Variants in KIF13A observed in about 807,000 individuals in gnomAD.
The protein encoded by KIF13A is kinesin-like protein KIF13A.
In KIF13A, 79 loss-of-function variants were observed where a neutral mutation model predicts 212.2. The ratio of observed to expected loss-of-function variants is 0.37; its 90% CI spans 0.31 to 0.45. The LOEUF (loss-of-function observed/expected upper bound fraction) is 0.45. KIF13A is among the 20% of genes least tolerant of loss of function. The pLI is 1.00. For synonymous variants in KIF13A, 789 were observed against 808.6 expected (o/e 0.98, Z 0.41); for missense variants, 1,901 against 2,209.0 (o/e 0.86, Z 2.79).
chr6:17,919,209 C>A lies in KIF13A; in HGVS notation c.147-21029G>T, dbSNP rs968500654. ...TAATAGTGAAAATTGCAAACACATA[C>A]GAATGGAATGTGAACAGCATCACAT... On this transcript the variant is annotated intron_variant, in intron 2 of 38. Transcript: ENST00000259711. The surrounding 1 kb of genome is among the most constrained non-coding windows in gnomAD (Gnocchi z 4.1). Among the ~76,000 whole-genome samples, 1 of 152,130 alleles carries A rather than the reference C, an allele frequency of 6.6e-6. No individual in the cohort carries two copies. Among genetic ancestry groups the A allele is most frequent in the Non-Finnish European group, 1.5e-5 (1 of 68,022 alleles).
chr6:17,953,724 A>G, intron 2 of KIF13A: 1 of 191,728 alleles, frequency 5.2e-6, no homozygotes, highest in South Asian at 1.0e-4. Context: ...GAGCCTGTGT[A>G]TATCAAGTTG....
In KIF13A at chr6:17,834,217, T is replaced by G; in HGVS notation, c.1156-146A>C. 1.9e-6 allele frequency: 1 copy of G among 533,866 alleles called. No individual in the cohort carries two copies. The highest frequency in any genetic ancestry group is 2.9e-5 in the South Asian group (1 of 34,798). 33.1% of individuals were successfully genotyped at this position (533,866 alleles called of 1,614,324 possible). A position where few individuals can be genotyped will look rare whatever the true frequency, so the allele number is the denominator to read the frequency against. On this transcript the variant is annotated intron_variant, in intron 11 of 38. Transcript: ENST00000259711. This position sits in a 1 kb window ranked among gnomAD's most constrained non-coding sequence, Gnocchi z 4.0. ...TGCTGTTAGGGTGGGTTTTTAACCT[T>G]TATTAATCAAACGAATGTAAGAGAA...
At chr6:17,969,438 T>TTTAG (rs1473517998) in intron 2 of KIF13A, among the ~76,000 whole-genome samples, 1 of 152,234 alleles carries the variant, frequency 6.6e-6, no homozygotes, top group Non-Finnish European at 1.5e-5. Context: ...GTTACTAGGC[T>TTTAG]TTAGTTAGCA....
In KIF13A at chr6:17,777,185, A is replaced by G; in HGVS notation, c.4170+92T>C. The G allele has an allele frequency of 1.0e-6, 1 of 979,656 alleles. No individual in the cohort carries two copies. Among genetic ancestry groups the G allele is most frequent in the Non-Finnish European group, 1.6e-6 (1 of 625,340 alleles). 60.7% of individuals were successfully genotyped at this position (979,656 alleles called of 1,614,324 possible). Reference sequence around the variant, plus strand: ...TTGGGATGCCCACACCAGTTCCATAAGCTCTACTGCCACTGTGTGAATCCC... The same window carrying G: ...TTGGGATGCCCACACCAGTTCCATAGGCTCTACTGCCACTGTGTGAATCCC... On this transcript the variant is annotated intron_variant, in intron 34 of 38. Coordinates refer to ENST00000259711, the MANE Select transcript of KIF13A (RefSeq NM_022113.6). The surrounding 1 kb of genome is among the most constrained non-coding windows in gnomAD (Gnocchi z 4.4).
rs1762284773 is a variant in KIF13A at position 17,799,221 on chromosome 6, T to C, written c.2790+45A>G. 4.4e-6 allele frequency: 6 copies of C among 1,350,726 alleles called. No homozygotes were observed. Among genetic ancestry groups the C allele is most frequent in the African/African-American group, 1.4e-5 (1 of 69,440 alleles). 83.7% of individuals were successfully genotyped at this position (1,350,726 alleles called of 1,614,324 possible). A position where few individuals can be genotyped will look rare whatever the true frequency, so the allele number is the denominator to read the frequency against. On this transcript the variant is annotated intron_variant, in intron 22 of 38. Transcript: ENST00000259711. This position sits in a 1 kb window ranked among gnomAD's most constrained non-coding sequence, Gnocchi z 4.4. ...ACAACTGATTGTTGAACTGCACCAA[T>C]TTCTGCTGCTTCCTACACAGCTCAT...
At chr6:17,857,085 T>G (rs1306904769) in intron 4 of KIF13A, among the ~76,000 whole-genome samples, 4 of 152,196 alleles carry the variant, frequency 2.6e-5, no homozygotes, top group Non-Finnish European at 5.9e-5. Flanking sequence ...ATAGTTCCTT[T>G]TACATTTGAA....
In KIF13A at chr6:17,767,403, C is replaced by T. The variant is rs558749962; in HGVS notation, c.4582-2457G>A. ...CCAAGTAGCTGGGATTACAGGTGTC[C>T]GCCACCATGCCCGGCTAATTTTTGT... On this transcript the variant is annotated intron_variant, in intron 38 of 38. Coordinates refer to ENST00000259711, the MANE Select transcript of KIF13A (RefSeq NM_022113.6). Among the ~76,000 whole-genome samples, 6 of 152,000 alleles carry T rather than the reference C, an allele frequency of 3.9e-5. No individual in the cohort carries two copies. In the East Asian group the frequency reaches 5.8e-4, roughly 15 times the overall value.
intron 16 of KIF13A, chr6:17,821,825 A>C: frequency 6.5e-7 from 1 of 1,535,350 alleles, no homozygotes; most frequent in Non-Finnish European, 8.7e-7. Context: ...GTCTGAAACC[A>C]CATGAGAGGA....
intron 20 of KIF13A, among the ~76,000 whole-genome samples, chr6:17,803,755 A>G (rs954306819): frequency 2.0e-5 from 3 of 152,226 alleles, no homozygotes; most frequent in African/African-American, 7.2e-5. Context: ...AGAGAGCGAT[A>G]TGGGGCACAG....
rs1581495799 is a variant in KIF13A at position 17,843,783 on chromosome 6, C to T, written c.830+5594G>A. 2.0e-5 allele frequency among the ~76,000 whole-genome samples: 3 copies of T among 152,168 alleles called. No homozygotes were observed. The highest frequency in any genetic ancestry group is 4.8e-5 in the African/African-American group (2 of 41,442). On this transcript the variant is annotated intron_variant, in intron 9 of 38. Transcript: ENST00000259711. This position sits in a 1 kb window ranked among gnomAD's most constrained non-coding sequence, Gnocchi z 5.3. ...AGTTGAGGCTGGGCACAGTGGCTCA[C>T]GCCTGTAATCCACCACTTTTGGAGG...
chr6:17,975,399 G>A (rs991674896), intron 2 of KIF13A, among the ~76,000 whole-genome samples: 3 of 152,090 alleles, frequency 2.0e-5, no homozygotes, highest in South Asian at 4.1e-4. Context: ...AAGTTGGCGC[G>A]TCTGGAGTTT....
At chr6:17,940,827 T>A (rs868214756) in intron 2 of KIF13A, among the ~76,000 whole-genome samples, 2,577 of 149,734 alleles carry the variant, frequency 0.017, 78 homozygotes, top group African/African-American at 0.06. Context: ...ATTTTTTTTT[T>A]TTTTTTTTTT....
intron 18 of KIF13A, among the ~76,000 whole-genome samples, chr6:17,805,913 A>G (rs554984477): frequency 7.8e-6 from 1 of 127,714 alleles, no homozygotes; most frequent in Admixed American, 1.0e-4. Flanking sequence ...AATATTCTTC[A>G]TAAGCACGAT....
chr6:17,772,401 G>A lies in KIF13A; in HGVS notation c.4325-342C>T, dbSNP rs995504621. ...TCCAGCCCGGGCAAGAGAGAGAGAG[G>A]GAGACCCTGTCTAAAAACAAAACAA... On this transcript the variant is annotated intron_variant, in intron 36 of 38. Coordinates refer to ENST00000259711, the MANE Select transcript of KIF13A (RefSeq NM_022113.6). This position sits in a 1 kb window ranked among gnomAD's most constrained non-coding sequence, Gnocchi z 4.8. Among the ~76,000 whole-genome samples, 1 of 151,790 alleles carries A rather than the reference G, an allele frequency of 6.6e-6. No individual in the cohort carries two copies. The highest frequency in any genetic ancestry group is 1.5e-5 in the Non-Finnish European group (1 of 67,966).
rs971905112 is a variant in KIF13A at position 17,892,055 on chromosome 6, T to C, written c.159+6113A>G. ...TTGTAAGGCAGAGTCGGCAAATTCGTATCACCTGCTAAGCATCCTATCAGA... is the reference window on the plus strand; with the variant it reads ...TTGTAAGGCAGAGTCGGCAAATTCGCATCACCTGCTAAGCATCCTATCAGA... On this transcript the variant is annotated intron_variant, in intron 3 of 38. Transcript: ENST00000259711. This position sits in a 1 kb window ranked among gnomAD's most constrained non-coding sequence, Gnocchi z 4.7. 3.9e-5 allele frequency among the ~76,000 whole-genome samples: 6 copies of C among 152,176 alleles called. No individual in the cohort carries two copies. The highest frequency in any genetic ancestry group is 3.9e-4 in the Admixed American group (6 of 15,278).
At chr6:17,901,641 T>G (rs1773067790) in intron 2 of KIF13A, among the ~76,000 whole-genome samples, 1 of 152,194 alleles carries the variant, frequency 6.6e-6, no homozygotes, top group Non-Finnish European at 1.5e-5. Flanking sequence ...AAGCTTTCCC[T>G]TCATGCCCCT....
chr6:17,835,195 CAAAAAAAAAAAAAAAAAAAAAA>C (rs61697144), intron 11 of KIF13A, among the ~76,000 whole-genome samples: 7,209 of 45,720 alleles, frequency 0.16, 202 homozygotes, highest in Admixed American at 0.21. Context: ...CCGCCCCCGC[CAAAAAAAAAAAAAAAAAAAAAA>C]AAAAAAAAAA....
Position 17,764,791 on chromosome 6 carries a change from T to C in KIF13A, c.4737A>G (p.Ser1579=), listed in dbSNP as rs1431920908. 6.2e-7 allele frequency: 1 copy of C among 1,613,358 alleles called. No individual in the cohort carries two copies. Reference sequence around the variant, plus strand: ...GGGACACTTCTTTCTCCAAGACCCGTGAGTTTGACAGATCTACTTTAGAGG... The same window carrying C: ...GGGACACTTCTTTCTCCAAGACCCGCGAGTTTGACAGATCTACTTTAGAGG... ...WFSSKVDLSN[S]RVLEKEVSRS... The change falls in exon 39 of 39, where the codon TCA becomes TCG. Residue 1579 remains serine, a synonymous_variant. Transcript: ENST00000259711. The surrounding 1 kb of genome is among the most constrained non-coding windows in gnomAD (Gnocchi z 5.1).
intron 2 of KIF13A, among the ~76,000 whole-genome samples, chr6:17,911,857 C>T (rs182164328): frequency 1.2e-4 from 18 of 151,940 alleles, no homozygotes; most frequent in African/African-American, 2.4e-4. Context: ...CTCCACCTCC[C>T]GGGTTCAAGC....
Sources: gnomAD v4.1 joint callset for allele counts (sites outside exome capture counted in the v4.1 genomes callset) on GRCh38, gnomAD v4.1.1 for gene constraint, Gnocchi (gnomAD v3.1) non-coding constraint, MANE v1.5 for transcripts, NCBI Gene and HGNC (gene_info 2026-07-23, HGNC 2026-07-21) for gene names.